The following PDZRN3 variants were observed in gnomAD, a reference collection of about 807,000 sequenced individuals.
The protein encoded by PDZRN3 is E3 ubiquitin-protein ligase PDZRN3.
A neutral mutation model predicts 85.7 loss-of-function variants in PDZRN3; 38 were observed. The ratio of observed to expected loss-of-function variants is 0.44; its 90% confidence interval spans 0.34 to 0.58. PDZRN3 has a LOEUF of 0.58. PDZRN3 is among the 20% of genes least tolerant of loss of function. The pLI is 0.01. For synonymous variants in PDZRN3, 759 were observed against 638.0 expected (o/e 1.19, Z -2.86); for missense variants, 1,629 against 1,506.4 (o/e 1.08, Z -1.35).
chr3:73,485,618 T>C (rs1703647919), intron 3 of PDZRN3, among the ~76,000 whole-genome samples: 1 of 152,210 alleles, frequency 6.6e-6, no homozygotes, highest in African/African-American at 2.4e-5. Context: ...TTCCAACAAC[T>C]TTCTGAATGA....
chr3:73,574,344 G>A (rs1292876217), intron 3 of PDZRN3, among the ~76,000 whole-genome samples: 1 of 152,006 alleles, frequency 6.6e-6, no homozygotes, highest in African/African-American at 2.4e-5. Flanking sequence ...ATTAGGCAGA[G>A]TGAGCTGGTA....
intron 3 of PDZRN3, among the ~76,000 whole-genome samples, chr3:73,413,626 G>A (rs75722298): frequency 3.9e-5 from 6 of 152,236 alleles, no homozygotes; most frequent in South Asian, 2.1e-4. Context: ...TCTAACCACC[G>A]AGCAGCACAG....
intron 3 of PDZRN3, chr3:73,474,309 C>G: frequency 3.4e-6 from 1 of 292,356 alleles, no homozygotes; most frequent in Non-Finnish European, 6.3e-6. Context: ...GTGCGCCCTT[C>G]TCCTTGCTTT....
intron 3 of PDZRN3, among the ~76,000 whole-genome samples, chr3:73,413,793 GAGA>G (rs900159302): frequency 1.6e-4 from 24 of 152,272 alleles, no homozygotes; most frequent in African/African-American, 5.8e-4. Flanking sequence ...ATGTTCCAGT[GAGA>G]AGGATACTTG....
chr3:73,499,725 C>T (rs1204318984), intron 3 of PDZRN3, among the ~76,000 whole-genome samples: 2 of 152,126 alleles, frequency 1.3e-5, no homozygotes, highest in Non-Finnish European at 2.9e-5. Context: ...TTACAAAAAG[C>T]AGTAAGGGGA....
At chr3:73,491,346 TATCTGA>T (rs1471815610) in intron 3 of PDZRN3, among the ~76,000 whole-genome samples, 1 of 152,170 alleles carries the variant, frequency 6.6e-6, no homozygotes, top group African/African-American at 2.4e-5. Context: ...GGAATCTTGA[TATCTGA>T]ATGCTTTTTG....
chr3:73,438,891 G>A (rs1001485879), intron 3 of PDZRN3, among the ~76,000 whole-genome samples: 2 of 152,210 alleles, frequency 1.3e-5, no homozygotes, highest in Non-Finnish European at 2.9e-5. Context: ...CATGCGTGCT[G>A]TTTTCTGGCA....
At chr3:73,434,868 C>G (rs1440090148) in intron 3 of PDZRN3, among the ~76,000 whole-genome samples, 1 of 152,218 alleles carries the variant, frequency 6.6e-6, no homozygotes, top group Non-Finnish European at 1.5e-5. Context: ...CTCCTTCAGC[C>G]TCTGTCCTGC....
chr3:73,478,540 A>G (rs112453110), intron 3 of PDZRN3, among the ~76,000 whole-genome samples: 84 of 150,968 alleles, frequency 5.6e-4, no homozygotes, highest in African/African-American at 1.9e-3. Context: ...ACAATGTAAT[A>G]ATAATATAAT....
At chr3:73,502,786 T>C (rs547686784) in intron 3 of PDZRN3, among the ~76,000 whole-genome samples, 2 of 152,198 alleles carry the variant, frequency 1.3e-5, no homozygotes, top group Non-Finnish European at 2.9e-5. Flanking sequence ...TGTGGCATCT[T>C]ACAGAAAATC....
At chr3:73,482,618 T>C (rs1205296275) in intron 3 of PDZRN3, among the ~76,000 whole-genome samples, 1 of 152,182 alleles carries the variant, frequency 6.6e-6, no homozygotes, top group Non-Finnish European at 1.5e-5. Flanking sequence ...GTGGCAATTC[T>C]CCTCTGTCTC....
intron 1 of PDZRN3, among the ~76,000 whole-genome samples, chr3:73,614,824 G>A (rs1410060204): frequency 6.6e-6 from 1 of 152,170 alleles, no homozygotes; most frequent in African/African-American, 2.4e-5. Flanking sequence ...CCTCTTTGTA[G>A]TTAAAACTTT....
At chr3:73,546,352 T>C (rs976932947) in intron 3 of PDZRN3, among the ~76,000 whole-genome samples, 5 of 152,190 alleles carry the variant, frequency 3.3e-5, no homozygotes, top group Non-Finnish European at 5.9e-5. Flanking sequence ...CACCACCACA[T>C]TGCATCAAAT....
At chr3:73,438,725 A>G (rs539873284) in intron 3 of PDZRN3, among the ~76,000 whole-genome samples, 2 of 151,714 alleles carry the variant, frequency 1.3e-5, no homozygotes. Context: ...GTGGAACCCC[A>G]CTCTCCCTTC....
chr3:73,577,629 G>A (rs1053264279), intron 3 of PDZRN3, among the ~76,000 whole-genome samples: 3 of 152,182 alleles, frequency 2.0e-5, no homozygotes, highest in Admixed American at 1.3e-4. Flanking sequence ...TTTGTGCCCC[G>A]CCCCAAAGTT....
At chr3:73,520,641 A>G (rs1273284083) in intron 3 of PDZRN3, among the ~76,000 whole-genome samples, 1 of 152,178 alleles carries the variant, frequency 6.6e-6, no homozygotes, top group Non-Finnish European at 1.5e-5. Context: ...GGGAAAAGGA[A>G]AAAGGAGGAC....
At chr3:73,460,761 A>G (rs1407130831) in intron 3 of PDZRN3, among the ~76,000 whole-genome samples, 1 of 152,212 alleles carries the variant, frequency 6.6e-6, no homozygotes, top group African/African-American at 2.4e-5. Flanking sequence ...AGCCTTTTCT[A>G]TGATGAGGCA....
At position 73,383,257 on chromosome 3, in the gene PDZRN3, T is replaced by A; in HGVS notation, c.*108A>T. 1 of 1,061,508 alleles carries A rather than the reference T, an allele frequency of 9.4e-7. No homozygotes were observed. The highest frequency in any genetic ancestry group is 1.4e-6 in the Non-Finnish European group (1 of 724,466). The allele number at this position is 1,061,508 out of a possible 1,614,324, so 65.8% of individuals were successfully genotyped here. The stretch of plus-strand genomic sequence containing the variant: ...GGTTTGCAAATTTGGACTATAAACA[T>A]GAAGACCGTACTTATCTTATATACA... On this transcript the variant is annotated 3_prime_UTR_variant, in exon 10 of 10. Coordinates refer to ENST00000263666, the MANE Select transcript of PDZRN3 (RefSeq NM_015009.3).
intron 3 of PDZRN3, among the ~76,000 whole-genome samples, chr3:73,558,048 T>C (rs778373181): frequency 6.6e-6 from 1 of 152,066 alleles, no homozygotes; most frequent in Non-Finnish European, 1.5e-5. Context: ...AATTTTTACA[T>C]TTAAAAAGTT....
Sources: allele counts gnomAD v4.1 joint callset (sites outside exome capture counted in the v4.1 genomes callset), GRCh38; gene constraint gnomAD v4.1.1; transcripts MANE v1.5; gene names NCBI Gene and HGNC (gene_info 2026-07-23, HGNC 2026-07-21).